The following PSMD12 variants were observed in gnomAD, a reference collection of about 807,000 sequenced individuals.
PSMD12 encodes proteasome 26S subunit, non-ATPase 12.
A neutral mutation model predicts 62.9 loss-of-function variants in PSMD12; 8 were observed. The ratio of observed to expected loss-of-function variants is 0.13; its 90% CI spans 0.07 to 0.23. PSMD12 has a LOEUF of 0.23. PSMD12 is among the 10% of genes least tolerant of loss of function. The probability of loss-of-function intolerance (pLI) is 1.00; values close to 1 mark genes in which losing one functional copy is unlikely to be tolerated. For missense variants in PSMD12, 424 were observed against 550.2 expected, an observed-to-expected ratio of 0.77 and a Z score of 2.29; for synonymous variants, 173 against 187.4, an observed-to-expected ratio of 0.92 and a Z score of 0.63.
intron 1 of PSMD12, 72 bp downstream of exon 1, chr17:67,366,340 T>A (rs2042178898): frequency 4.9e-6 from 7 of 1,416,576 alleles, no homozygotes; most frequent in Non-Finnish European, 4.8e-6. Flanking sequence ...GCAGGCCCCC[T>A]GAGGCCTAAG....
chr17:67,359,395 A>G (rs1019036898), intron 1 of PSMD12, among the ~76,000 whole-genome samples: 1 of 152,204 alleles, frequency 6.6e-6, no homozygotes, highest in Non-Finnish European at 1.5e-5. Flanking sequence ...TAACATGCTA[A>G]TATTAATAAC....
rs1189993025 is a variant in PSMD12, at chr17:67,340,291, C to G, written c.*552G>C. On this transcript the variant is annotated 3_prime_UTR_variant, in exon 11 of 11. Transcript: ENST00000356126. Reference sequence around the variant, plus strand: ...AAAAAGTCTACAGTTTACCAGCATACACACTCAGTCTAGACTTTCCGCCAC... The same window carrying G: ...AAAAAGTCTACAGTTTACCAGCATAGACACTCAGTCTAGACTTTCCGCCAC... 6.7e-6 allele frequency: 1 copy of G among 150,154 alleles called. No individual in the cohort carries two copies. The highest frequency in any genetic ancestry group is 1.5e-5 in the Non-Finnish European group (1 of 67,800). The allele number at this position is 150,154 out of a possible 1,614,324, so 9.3% of individuals were successfully genotyped here.
In PSMD12 at chr17:67,366,055, G is replaced by A. The variant is rs572351455; in HGVS notation, c.108+357C>T. Among the ~76,000 whole-genome samples, 2 of 152,262 alleles carry A rather than the reference G, an allele frequency of 1.3e-5. 1 individual carries two copies. Among genetic ancestry groups the A allele is most frequent in the Admixed American group, 1.3e-4 (2 of 15,304 alleles). On this transcript the variant is annotated intron_variant, in intron 1 of 10. Coordinates refer to ENST00000356126, the MANE Select transcript of PSMD12 (RefSeq NM_002816.5). ...ATAAATTGATTGAGCAACAGCAACAGAACGAAACTCTCTGATCTAGCCTTA... is the reference window on the plus strand; with the variant it reads ...ATAAATTGATTGAGCAACAGCAACAAAACGAAACTCTCTGATCTAGCCTTA...
At chr17:67,361,459 G>A (rs933015347) in intron 1 of PSMD12, among the ~76,000 whole-genome samples, 4 of 152,130 alleles carry the variant, frequency 2.6e-5, no homozygotes, top group African/African-American at 9.7e-5. Context: ...GTAAGCACCT[G>A]TAATCCCAAC....
chr17:67,354,965 G>C (rs1304014579), intron 3 of PSMD12, among the ~76,000 whole-genome samples: 1 of 152,150 alleles, frequency 6.6e-6, no homozygotes, highest in Non-Finnish European at 1.5e-5. Context: ...ACTCCAGCCT[G>C]GGGGACAGAG....
intron 8 of PSMD12, chr17:67,345,499 C>T (rs1209576342): frequency 1.1e-5 from 4 of 374,688 alleles, no homozygotes; most frequent in Admixed American, 7.6e-5. Context: ...AAAATTAGCT[C>T]GGCATGGTAG....
At chr17:67,361,929 A>G (rs1428636588) in intron 1 of PSMD12, among the ~76,000 whole-genome samples, 139 of 111,466 alleles carry the variant, frequency 1.2e-3, no homozygotes, top group Admixed American at 3.0e-3. Flanking sequence ...GAAGGGAGGG[A>G]GGGAGGGAGA....
intron 1 of PSMD12, among the ~76,000 whole-genome samples, chr17:67,359,848 C>A (rs561017388): frequency 1.3e-5 from 2 of 152,118 alleles, no homozygotes; most frequent in African/African-American, 4.8e-5. Context: ...AAACAATGAA[C>A]AAATCTATAA....
chr17:67,347,432 C>T lies in PSMD12; in HGVS notation c.564G>A (p.Glu188=). The T allele has an allele frequency of 6.2e-7, 1 of 1,613,888 alleles. No individual in the cohort carries two copies. Among genetic ancestry groups the T allele is most frequent in the African/African-American group, 1.3e-5 (1 of 75,038 alleles). ...EKKERVEFIL[E]QMRLCLAVKD... is the part of the protein sequence containing the mutation. The stretch of plus-strand genomic sequence containing the variant: ...TCACAGCTAGGCAGAGCCTCATTTG[C>T]TCCAAAATAAATTCCACTCGCTCTT... Residue 188 remains glutamate, a synonymous_variant, in exon 6 of 11, where the codon GAG becomes GAA. Transcript: ENST00000356126.
rs537065570 is a variant in PSMD12, at chr17:67,347,605, G to A, written c.511-120C>T. 5.5e-5 allele frequency: 54 copies of A among 985,512 alleles called. No individual in the cohort carries two copies. The South Asian group carries it at 1.0e-3, about 19-fold the overall frequency. The allele number at this position is 985,512 out of a possible 1,614,324, so 61.0% of individuals were successfully genotyped here. ...AATAATAAGAACCTTCATGTATATAGGGAGAGTGTTGACAATTACATTAAA... is the reference window on the plus strand; with the variant it reads ...AATAATAAGAACCTTCATGTATATAAGGAGAGTGTTGACAATTACATTAAA... On this transcript the variant is annotated intron_variant, in intron 5 of 10. Coordinates refer to ENST00000356126, the MANE Select transcript of PSMD12 (RefSeq NM_002816.5).
Position 67,342,281 on chromosome 17 carries a change from A to AG in PSMD12, c.1084-19dup, listed in dbSNP as rs1163089473. 2.0e-6 allele frequency: 3 copies of AG among 1,478,156 alleles called. No homozygotes were observed. In the South Asian group the frequency reaches 3.5e-5, roughly 17 times the overall value. The allele number at this position is 1,478,156 out of a possible 1,614,324, so 91.6% of individuals were successfully genotyped here. A position where few individuals can be genotyped will look rare whatever the true frequency, so the allele number is the denominator to read the frequency against. On this transcript the variant is annotated intron_variant, in intron 9 of 10. Coordinates refer to ENST00000356126, the MANE Select transcript of PSMD12 (RefSeq NM_002816.5). Reference sequence around the variant, plus strand: ...CTAATATTCTGGGGAGAGGATAGAGAGCAGGGAGAACACGTAACATTTGTC... The same window carrying AG: ...CTAATATTCTGGGGAGAGGATAGAGAGGCAGGGAGAACACGTAACATTTGTC...
chr17:67,358,582 A>AAAAAG (rs1567960140), intron 1 of PSMD12, among the ~76,000 whole-genome samples: 24 of 150,246 alleles, frequency 1.6e-4, no homozygotes, highest in African/African-American at 4.1e-4. Context: ...AAAAAAAAAA[A>AAAAAG]AAAAGAAAAG....
At chr17:67,347,023 T>A in intron 7 of PSMD12, 93 bp downstream of exon 7, 1 of 1,321,032 alleles carries the variant, frequency 7.6e-7, no homozygotes, top group Non-Finnish European at 1.0e-6. Flanking sequence ...TACAATTGCA[T>A]CTAACTATTG....
chr17:67,355,351 C>G (rs1409887053), intron 3 of PSMD12: 2 of 152,258 alleles, frequency 1.3e-5, no homozygotes, highest in Non-Finnish European at 2.9e-5. Flanking sequence ...CTTGGCCTCC[C>G]AAAGTGCTGG....
chr17:67,345,132 A>G (rs544682736), intron 8 of PSMD12, among the ~76,000 whole-genome samples: 2 of 152,376 alleles, frequency 1.3e-5, no homozygotes, highest in East Asian at 3.9e-4. Flanking sequence ...ATTTCTGAAA[A>G]TCACAAAGCT....
In PSMD12 at chr17:67,357,322, C is replaced by T; in HGVS notation, c.278G>A (p.Arg93Lys). 6.2e-7 allele frequency: 1 copy of T among 1,612,968 alleles called. No individual in the cohort carries two copies. The highest frequency in any genetic ancestry group is 8.5e-7 in the Non-Finnish European group (1 of 1,179,858). ...LNENIMLLSK[R>K]RSQLKQAVAK... ...ACTCACTTGTTTTAACTGACTCCGC[C>T]TTTTGGACAAAAGCATAATATTTTC... Residue 93 changes from arginine to lysine, a missense_variant, in exon 3 of 11, where the codon AGG becomes AAG. Transcript: ENST00000356126.
intron 1 of PSMD12, among the ~76,000 whole-genome samples, chr17:67,364,293 A>C (rs1382521546): frequency 1.3e-5 from 2 of 152,004 alleles, no homozygotes; most frequent in Non-Finnish European, 2.9e-5. Flanking sequence ...TCTTTTTTTT[A>C]AACACTTCTG....
intron 3 of PSMD12, among the ~76,000 whole-genome samples, chr17:67,351,420 A>AATAATAATAATAATG (rs2042016749): frequency 1.3e-5 from 2 of 148,626 alleles, no homozygotes; most frequent in African/African-American, 4.9e-5. Flanking sequence ...TAATAATAAT[A>AATAATAATAATAATG]ATAATAATAA....
intron 1 of PSMD12, among the ~76,000 whole-genome samples, chr17:67,358,085 C>T (rs1236652447): frequency 6.6e-6 from 1 of 152,094 alleles, no homozygotes. Context: ...CCACACCCGG[C>T]TAATTTTTGT....
Sources: gnomAD v4.1 joint callset for allele counts (sites outside exome capture counted in the v4.1 genomes callset) on GRCh38, gnomAD v4.1.1 for gene constraint, MANE v1.5 for transcripts, NCBI Gene and HGNC (gene_info 2026-07-23, HGNC 2026-07-21) for gene names.